VAV3: variants seen among roughly 807,000 people sequenced by gnomAD.
VAV3 encodes guanine nucleotide exchange factor VAV3.
In VAV3, 94 loss-of-function variants were observed where a neutral mutation model predicts 131.2. The ratio of observed to expected loss-of-function variants is 0.72; its 90% CI spans 0.61 to 0.85. The LOEUF is 0.85. VAV3 is among the 40% of genes least tolerant of loss of function. VAV3 has a pLI of 0.00. For missense variants in VAV3, 939 were observed against 1,002.7 expected, an observed-to-expected ratio of 0.94 and a Z score of 0.86; for synonymous variants, 349 against 342.0, an observed-to-expected ratio of 1.02 and a Z score of -0.22.
intron 2 of VAV3, among the ~76,000 whole-genome samples, chr1:107,807,894 T>C (rs529313699): frequency 1.3e-5 from 2 of 152,324 alleles, no homozygotes; most frequent in East Asian, 3.9e-4. Flanking sequence ...ACTGATCAAA[T>C]GGTACTGTTT....
At chr1:107,682,706 A>T (rs1193150841) in intron 19 of VAV3, among the ~76,000 whole-genome samples, 2 of 147,866 alleles carry the variant, frequency 1.4e-5, no homozygotes, top group Non-Finnish European at 3.1e-5. Flanking sequence ...ACCACTTATG[A>T]TAGGAAAACA....
At chr1:107,906,676 A>AAATACAATAC (rs561017259) in intron 1 of VAV3, among the ~76,000 whole-genome samples, 3 of 152,180 alleles carry the variant, frequency 2.0e-5, no homozygotes, top group African/African-American at 7.2e-5. Context: ...AAAAAAATTA[A>AAATACAATAC]AATACAATAC....
At chr1:107,672,408 G>A (rs1657885263) in intron 19 of VAV3, 1 of 150,704 alleles carries the variant, frequency 6.6e-6, no homozygotes, top group African/African-American at 2.4e-5. Context: ...AGTTAAATAA[G>A]TTATTACTTA....
intron 2 of VAV3, among the ~76,000 whole-genome samples, chr1:107,784,364 T>C (rs926831491): frequency 6.6e-6 from 1 of 152,306 alleles, no homozygotes; most frequent in African/African-American, 2.4e-5. Context: ...TCAGTGTATA[T>C]AAACAGCAAT....
chr1:107,754,675 T>C (rs1663993753), intron 12 of VAV3, among the ~76,000 whole-genome samples: 1 of 152,330 alleles, frequency 6.6e-6, no homozygotes, highest in African/African-American at 2.4e-5. Context: ...GTAATTGCCC[T>C]GCCCATTCCT....
At chr1:107,885,998 G>C (rs2101047277) in intron 1 of VAV3, among the ~76,000 whole-genome samples, 1 of 152,252 alleles carries the variant, frequency 6.6e-6, no homozygotes. Flanking sequence ...GGAAGTGGCT[G>C]AACTGAACAT....
At chr1:107,772,190 T>C (rs17483780) in intron 5 of VAV3, among the ~76,000 whole-genome samples, 17,936 of 152,234 alleles carry the variant, frequency 0.12, 1,194 homozygotes, top group Non-Finnish European at 0.14. Flanking sequence ...TCTGGATATA[T>C]TAATAGCAGA....
At position 107,918,710 on chromosome 1, in the gene VAV3, T is replaced by A. The variant is rs868194892; in HGVS notation, c.205-43693A>T. On this transcript the variant is annotated intron_variant, in intron 1 of 26. Transcript: ENST00000370056. ...GCATATATATATATATATATATTTT[T>A]TTTTTTTTTTGAGAGATGGAGTTTT... Among the ~76,000 whole-genome samples the A allele has an allele frequency of 3.6e-3, 532 of 147,540 alleles. 3 individuals are homozygous for A. Among genetic ancestry groups the A allele is most frequent in the South Asian group, 0.029 (135 of 4,676 alleles).
chr1:107,780,329 T>C (rs1296020366), intron 2 of VAV3, among the ~76,000 whole-genome samples: 1 of 152,182 alleles, frequency 6.6e-6, no homozygotes, highest in Non-Finnish European at 1.5e-5. Flanking sequence ...AGAAAAAGTT[T>C]TCTAAATTAA....
At chr1:107,583,024 C>T (rs1650189328) in intron 25 of VAV3, among the ~76,000 whole-genome samples, 1 of 152,174 alleles carries the variant, frequency 6.6e-6, no homozygotes, top group African/African-American at 2.4e-5. Flanking sequence ...TTTACAGTCC[C>T]ACCAACAGCG....
rs538466214 is a variant in VAV3 at position 107,658,201 on chromosome 1, T to A, written c.1778-15446A>T. On this transcript the variant is annotated intron_variant, in intron 19 of 26. Coordinates refer to ENST00000370056, the MANE Select transcript of VAV3 (RefSeq NM_006113.5). ...CCTATGAGTGAGAACATGCGGTGTT[T>A]GGTTTTTTGTTCTTGCGATAATTTG... Among the ~76,000 whole-genome samples the A allele has an allele frequency of 1.8e-3, 271 of 152,306 alleles. 2 individuals are homozygous for A. The highest frequency in any genetic ancestry group is 3.2e-3 in the Non-Finnish European group (216 of 68,020).
chr1:107,628,023 G>T (rs1048039271), intron 20 of VAV3, among the ~76,000 whole-genome samples: 3 of 149,498 alleles, frequency 2.0e-5, no homozygotes, highest in Non-Finnish European at 4.5e-5. Context: ...AGACCCTTAG[G>T]ACACAGTATG....
intron 25 of VAV3, among the ~76,000 whole-genome samples, chr1:107,585,987 T>C (rs1219597904): frequency 2.0e-5 from 3 of 152,214 alleles, no homozygotes; most frequent in South Asian, 4.1e-4. Context: ...TGCTCTACCA[T>C]TGAACTAACT....
intron 2 of VAV3, among the ~76,000 whole-genome samples, chr1:107,839,559 C>T (rs1668606484): frequency 6.6e-6 from 1 of 151,964 alleles, no homozygotes; most frequent in Admixed American, 6.6e-5. Flanking sequence ...GCATTAAATG[C>T]ATATATTAAA....
chr1:107,802,028 C>G (rs1570973778), intron 2 of VAV3, among the ~76,000 whole-genome samples: 1 of 151,896 alleles, frequency 6.6e-6, no homozygotes, highest in Non-Finnish European at 1.5e-5. Flanking sequence ...CATGTGCCAT[C>G]TCTTCATCGG....
chr1:107,713,144 A>G (rs1053250777), intron 15 of VAV3, among the ~76,000 whole-genome samples: 7 of 152,220 alleles, frequency 4.6e-5, no homozygotes, highest in African/African-American at 1.7e-4. Flanking sequence ...AACGATAAGG[A>G]ATAAAATCGA....
intron 2 of VAV3, among the ~76,000 whole-genome samples, chr1:107,830,858 C>T (rs1312965827): frequency 6.6e-6 from 1 of 152,136 alleles, no homozygotes; most frequent in Admixed American, 6.5e-5. Flanking sequence ...AAGTGTGAGC[C>T]ACCGCAGCTG....
At chr1:107,897,751 T>G (rs1671665050) in intron 1 of VAV3, among the ~76,000 whole-genome samples, 1 of 152,130 alleles carries the variant, frequency 6.6e-6, no homozygotes, top group Non-Finnish European at 1.5e-5. Context: ...CCTGGCATTC[T>G]GAGATTATAC....
chr1:107,590,412 A>C (rs1650855072), intron 25 of VAV3, among the ~76,000 whole-genome samples: 1 of 152,176 alleles, frequency 6.6e-6, no homozygotes, highest in Non-Finnish European at 1.5e-5. Context: ...CCTGGCTTCT[A>C]GGGCTCCAGC....
Sources: allele counts gnomAD v4.1 joint callset (sites outside exome capture counted in the v4.1 genomes callset), GRCh38; gene constraint gnomAD v4.1.1; transcripts MANE v1.5; gene names NCBI Gene and HGNC (gene_info 2026-07-23, HGNC 2026-07-21).